Variants in SQOR observed in about 807,000 individuals in gnomAD.
SQOR encodes sulfide:quinone oxidoreductase, mitochondrial.
Under a neutral mutation model 48.6 loss-of-function variants are expected in SQOR, and 39 were observed. That is an observed-to-expected ratio of 0.80 (90% CI 0.62 to 1.05). The LOEUF (loss-of-function observed/expected upper bound fraction) is 1.05. Ranked by LOEUF, SQOR falls within the 50% of genes least tolerant of loss-of-function variation. The probability of loss-of-function intolerance (pLI) is 0.00; values close to 1 mark genes in which losing one functional copy is unlikely to be tolerated. For missense variants in SQOR, 561 were observed against 559.9 expected, an observed-to-expected ratio of 1.00 and a Z score of -0.02; for synonymous variants, 220 against 206.2, an observed-to-expected ratio of 1.07 and a Z score of -0.57.
intron 1 of SQOR, among the ~76,000 whole-genome samples, chr15:45,655,722 T>C (rs1889592253): frequency 6.6e-6 from 1 of 151,378 alleles, no homozygotes; most frequent in Admixed American, 6.6e-5. Flanking sequence ...CTCACTCTGT[T>C]GCCCAGGCTG....
At chr15:45,656,004 G>A (rs1358654057) in intron 1 of SQOR, among the ~76,000 whole-genome samples, 8 of 145,844 alleles carry the variant, frequency 5.5e-5, no homozygotes, top group Non-Finnish European at 7.5e-5. Context: ...TTTTTTCCCC[G>A]TTTAACATTA....
intron 2 of SQOR, among the ~76,000 whole-genome samples, chr15:45,661,509 G>A (rs909603789): frequency 1.3e-5 from 2 of 152,018 alleles, no homozygotes; most frequent in African/African-American, 4.8e-5. Flanking sequence ...AAGTTTAGAG[G>A]ACCTCTGGAA....
chr15:45,676,180 C>A lies in SQOR; in HGVS notation c.734C>A (p.Ala245Asp), dbSNP rs1280869898. 10 of 1,614,146 alleles carry A rather than the reference C, an allele frequency of 6.2e-6. No homozygotes were observed. The highest frequency in any genetic ancestry group is 7.6e-6 in the Non-Finnish European group (9 of 1,180,022). ...AIFGVKKYAD[A>D]LQEIIQERNL... ...TTCGGGGTTAAGAAGTATGCAGATG[C>A]CCTGCAGGAGATCATCCAGGAGCGG... The change falls in exon 6 of 10, where the codon GCC becomes GAC. Residue 245 changes from alanine to aspartate, a missense_variant. Physicochemically the swap from Ala to Asp is moderately radical, Grantham distance 126. Transcript: ENST00000260324.
At chr15:45,644,503 G>T (rs1367599658) in intron 1 of SQOR, among the ~76,000 whole-genome samples, 1 of 152,190 alleles carries the variant, frequency 6.6e-6, no homozygotes. Context: ...TTTTAATCTA[G>T]ATGTATTACA....
rs939779206 is a variant in SQOR at position 45,652,699 on chromosome 15, C to T, written c.-17-6208C>T. On this transcript the variant is annotated intron_variant, in intron 1 of 9. Coordinates refer to ENST00000260324, the MANE Select transcript of SQOR (RefSeq NM_021199.4). ...TTAAGATTGTGTGGCTGGCCGGGCA[C>T]GGTGGCTCACACCTGTAATCCCAGC... Among the ~76,000 whole-genome samples, 11 of 134,582 alleles carry T rather than the reference C, an allele frequency of 8.2e-5. No individual in the cohort carries two copies. In the South Asian group the frequency reaches 1.7e-3, roughly 21 times the overall value. 88.3% of individuals were successfully genotyped at this position (134,582 alleles called of 152,430 possible). A position where few individuals can be genotyped will look rare whatever the true frequency, so the allele number is the denominator to read the frequency against.
intron 1 of SQOR, among the ~76,000 whole-genome samples, chr15:45,650,994 G>A (rs1268906086): frequency 2.0e-5 from 3 of 152,096 alleles, no homozygotes; most frequent in African/African-American, 7.2e-5. Context: ...CTGCCCCCGG[G>A]TCCCGCACCG....
chr15:45,646,451 A>T (rs939487126), intron 1 of SQOR, among the ~76,000 whole-genome samples: 2 of 152,250 alleles, frequency 1.3e-5, no homozygotes, highest in African/African-American at 4.8e-5. Context: ...TCCCATTTGT[A>T]AAGTGATATC....
intron 6 of SQOR, among the ~76,000 whole-genome samples, chr15:45,676,779 G>A (rs1479723515): frequency 2.0e-5 from 3 of 152,288 alleles, no homozygotes; most frequent in Non-Finnish European, 2.9e-5. Flanking sequence ...GGTGGCTCAC[G>A]CCTGTAATCC....
intron 3 of SQOR, among the ~76,000 whole-genome samples, chr15:45,664,436 T>C (rs1185620294): frequency 2.0e-5 from 3 of 151,940 alleles, no homozygotes; most frequent in Non-Finnish European, 4.4e-5. Context: ...GGTATATGTG[T>C]CCCCCCCATC....
At chr15:45,651,614 T>C (rs552096045) in intron 1 of SQOR, among the ~76,000 whole-genome samples, 11 of 152,322 alleles carry the variant, frequency 7.2e-5, no homozygotes, top group African/African-American at 2.4e-4. Context: ...CATGTGCCAC[T>C]ATGCCCGTCT....
chr15:45,634,199 T>TATATATATATATATATATATATATATAC (rs1566912012), upstream of SQOR, among the ~76,000 whole-genome samples: 7 of 52,538 alleles, frequency 1.3e-4, no homozygotes, highest in African/African-American at 1.0e-3. Context: ...CAACAACAAC[T>TATATATATATATATATATATATATATAC]ATATATATAT....
chr15:45,678,121 A>G (rs1423296220), intron 6 of SQOR, among the ~76,000 whole-genome samples: 1 of 152,214 alleles, frequency 6.6e-6, no homozygotes, highest in African/African-American at 2.4e-5. Context: ...AATTTTGATC[A>G]GCAGTCAAGA....
chr15:45,654,312 AT>A (rs2140944797), intron 1 of SQOR, among the ~76,000 whole-genome samples: 1 of 152,284 alleles, frequency 6.6e-6, no homozygotes, highest in South Asian at 2.1e-4. Flanking sequence ...ATTTTTGGGC[AT>A]TTTGAAACTT....
At chr15:45,651,440 T>C (rs1035265994) in intron 1 of SQOR, among the ~76,000 whole-genome samples, 15 of 152,076 alleles carry the variant, frequency 9.9e-5, no homozygotes, top group Admixed American at 2.6e-4. Context: ...TGCCAGCCCA[T>C]AGAGGGGCCC....
chr15:45,677,829 T>C lies in SQOR; in HGVS notation c.864+1519T>C, dbSNP rs549552722. Among the ~76,000 whole-genome samples the C allele has an allele frequency of 3.3e-5, 5 of 152,322 alleles. No individual in the cohort carries two copies. In the East Asian group the frequency reaches 9.6e-4, roughly 29 times the overall value. ...GATTCTCTTGCCTCAGCTTCATGAG[T>C]AGCTGGGACTACAGGTGTGCACCAC... On this transcript the variant is annotated intron_variant, in intron 6 of 9. Transcript: ENST00000260324.
intron 1 of SQOR, among the ~76,000 whole-genome samples, chr15:45,651,927 T>G (rs1300060151): frequency 6.6e-6 from 1 of 152,138 alleles, no homozygotes; most frequent in Non-Finnish European, 1.5e-5. Flanking sequence ...CTCACTCTGT[T>G]GCCCAGGCTG....
chr15:45,654,780 G>A (rs1889564025), intron 1 of SQOR, among the ~76,000 whole-genome samples: 2 of 152,130 alleles, frequency 1.3e-5, no homozygotes, highest in Admixed American at 6.5e-5. Context: ...GGAAAGACGT[G>A]GCCGGTGGTG....
At chr15:45,654,919 A>G (rs956893113) in intron 1 of SQOR, among the ~76,000 whole-genome samples, 2 of 152,080 alleles carry the variant, frequency 1.3e-5, no homozygotes, top group Non-Finnish European at 2.9e-5. Context: ...CCCTCATCTT[A>G]TTATGCAAAT....
chr15:45,656,172 T>C (rs1419426869), intron 1 of SQOR, among the ~76,000 whole-genome samples: 1 of 152,154 alleles, frequency 6.6e-6, no homozygotes, highest in Non-Finnish European at 1.5e-5. Context: ...GTCACTTAAC[T>C]GCTATCTGCC....
Sources: allele counts gnomAD v4.1 joint callset (sites outside exome capture counted in the v4.1 genomes callset), GRCh38; gene constraint gnomAD v4.1.1; transcripts MANE v1.5; gene names NCBI Gene and HGNC (gene_info 2026-07-23, HGNC 2026-07-21).